Variants in NAALADL2 observed in about 807,000 individuals in gnomAD.
NAALADL2 encodes inactive N-acetylated-alpha-linked acidic dipeptidase-like protein 2.
In NAALADL2, 76 loss-of-function variants were observed where a neutral mutation model predicts 87.2. That is an observed-to-expected ratio of 0.87 (90% confidence interval 0.72 to 1.05). The LOEUF is 1.05. Ranked by LOEUF, NAALADL2 falls within the 50% of genes least tolerant of loss-of-function variation. The pLI, the probability that NAALADL2 is intolerant of heterozygous loss-of-function variation, is 0.00. For missense variants in NAALADL2, 1,089 were observed against 945.8 expected, an observed-to-expected ratio of 1.15 and a Z score of -1.99; for synonymous variants, 354 against 331.0, an observed-to-expected ratio of 1.07 and a Z score of -0.75.
intron 3 of NAALADL2, among the ~76,000 whole-genome samples, chr3:174,853,376 C>CAAA (rs55826352): frequency 0.019 from 1,560 of 82,448 alleles, 44 homozygotes; most frequent in African/African-American, 0.056. Context: ...GACTCAATCT[C>CAAA]AAAAAAAAAA....
intron 2 of NAALADL2, among the ~76,000 whole-genome samples, chr3:174,729,583 C>T (rs1398198983): frequency 6.6e-6 from 1 of 151,938 alleles, no homozygotes; most frequent in African/African-American, 2.4e-5. Flanking sequence ...TTGTGTTATA[C>T]ATCATGCTAG....
chr3:175,153,325 C>G (rs1731828158), intron 2 of NAALADL2, among the ~76,000 whole-genome samples: 1 of 152,106 alleles, frequency 6.6e-6, no homozygotes. Context: ...TGGGACTGCC[C>G]ATCTAACAAA....
intron 1 of NAALADL2, among the ~76,000 whole-genome samples, chr3:174,927,807 G>A (rs562784525): frequency 1.3e-5 from 2 of 152,234 alleles, no homozygotes; most frequent in South Asian, 4.1e-4. Flanking sequence ...AACTAGAGAA[G>A]CAAGAGCAAA....
chr3:175,755,240 C>G lies in NAALADL2; in HGVS notation c.2011C>G (p.Gln671Glu). The G allele has an allele frequency of 6.2e-7, 1 of 1,613,044 alleles. No homozygotes were observed. Among genetic ancestry groups the G allele is most frequent in the Non-Finnish European group, 8.5e-7 (1 of 1,179,670 alleles). ...NLKGDQPNTH[Q>E]LLAMALRLRE... is the part of the protein sequence containing the mutation. Reference sequence around the variant, plus strand: ...ACCAGGTGATCAACCCAACACTCATCAACTGTTAGCCATGGCGTTACGCCT... The same window carrying G: ...ACCAGGTGATCAACCCAACACTCATGAACTGTTAGCCATGGCGTTACGCCT... The change falls in exon 13 of 14, where the codon CAA (glutamine) becomes GAA (glutamate). Residue 671 changes from glutamine to glutamate, a missense_variant. Gln to Glu is a conservative substitution (Grantham distance 29). Transcript: ENST00000454872.
intron 2 of NAALADL2, among the ~76,000 whole-genome samples, chr3:175,106,495 C>T (rs747322716): frequency 3.3e-5 from 5 of 151,886 alleles, no homozygotes; most frequent in Non-Finnish European, 5.9e-5. Context: ...TGATCTTATT[C>T]GTTCCAAAAA....
At chr3:174,458,301 C>T (rs374199270) in intron 1 of NAALADL2, among the ~76,000 whole-genome samples, 9 of 152,164 alleles carry the variant, frequency 5.9e-5, no homozygotes, top group East Asian at 5.8e-4. Context: ...TTTTCTACCT[C>T]AGTGTTGTAT....
Position 175,804,654 on chromosome 3 carries a change from A to G in NAALADL2, c.*1451A>G, listed in dbSNP as rs1483597095. The G allele has an allele frequency of 6.6e-6, 1 of 151,748 alleles. No individual in the cohort carries two copies. The highest frequency in any genetic ancestry group is 1.5e-5 in the Non-Finnish European group (1 of 67,804). 9.4% of individuals were successfully genotyped at this position (151,748 alleles called of 1,614,324 possible). On this transcript the variant is annotated 3_prime_UTR_variant, in exon 14 of 14. Coordinates refer to ENST00000454872, the MANE Select transcript of NAALADL2 (RefSeq NM_207015.3). ...TGATACACCGCCAGAGTGACATTGC[A>G]GACAGTCTGTGTATGTTTAAATTTT...
intron 11 of NAALADL2, among the ~76,000 whole-genome samples, chr3:175,630,104 T>C (rs1230208452): frequency 1.3e-5 from 2 of 151,790 alleles, no homozygotes. Context: ...TGCACTCATG[T>C]TGGAAGCATT....
intron 1 of NAALADL2, among the ~76,000 whole-genome samples, chr3:175,014,004 TC>T (rs1444479272): frequency 5.9e-5 from 9 of 152,094 alleles, no homozygotes; most frequent in African/African-American, 2.2e-4. Context: ...GAAACTAACA[TC>T]CAGGTTAAAA....
chr3:174,581,322 A>G (rs1366029005), intron 2 of NAALADL2, among the ~76,000 whole-genome samples: 5 of 152,328 alleles, frequency 3.3e-5, no homozygotes, highest in Admixed American at 6.5e-5. Flanking sequence ...TATGCAAAAC[A>G]TGAAATAAAA....
chr3:175,650,419 T>C (rs1730610859), intron 11 of NAALADL2, among the ~76,000 whole-genome samples: 1 of 152,060 alleles, frequency 6.6e-6, no homozygotes, highest in Non-Finnish European at 1.5e-5. Flanking sequence ...GATTGTGGAG[T>C]AGGATGCACA....
At chr3:174,915,895 A>G (rs920326502) in intron 1 of NAALADL2, among the ~76,000 whole-genome samples, 6 of 152,206 alleles carry the variant, frequency 3.9e-5, no homozygotes, top group Admixed American at 1.3e-4. Context: ...CAAACTAAAA[A>G]GCTTCTGCAC....
chr3:174,502,796 C>T (rs1718977990), intron 1 of NAALADL2, among the ~76,000 whole-genome samples: 2 of 151,894 alleles, frequency 1.3e-5, no homozygotes, highest in South Asian at 2.1e-4. Flanking sequence ...TTTGGGAGGC[C>T]GAGGTGGGTG....
chr3:175,367,643 T>G (rs554842450), intron 5 of NAALADL2, among the ~76,000 whole-genome samples: 1 of 152,184 alleles, frequency 6.6e-6, no homozygotes, highest in Non-Finnish European at 1.5e-5. Context: ...AGTTCACTCA[T>G]GATTTGGCTC....
At chr3:175,446,978 C>A (rs557164388) in intron 5 of NAALADL2, among the ~76,000 whole-genome samples, 1 of 152,174 alleles carries the variant, frequency 6.6e-6, no homozygotes, top group Non-Finnish European at 1.5e-5. Context: ...TTTTATGGGA[C>A]AATGGAGGTA....
rs562262394 is a variant in NAALADL2 at position 175,063,970 on chromosome 3, A to G, written c.44-32820A>G. On this transcript the variant is annotated intron_variant, in intron 1 of 13. Transcript: ENST00000454872. ...AAATCCTGCTGAGTTACTCTGTGAC[A>G]CTGCAATAATTCAGCTGTCACTTAA... Among the ~76,000 whole-genome samples, 29 of 152,326 alleles carry G rather than the reference A, an allele frequency of 1.9e-4. No homozygotes were observed. In the East Asian group the frequency reaches 5.4e-3, roughly 28 times the overall value.
intron 1 of NAALADL2, among the ~76,000 whole-genome samples, chr3:175,081,581 C>G (rs1717832600): frequency 6.6e-6 from 1 of 152,096 alleles, no homozygotes; most frequent in South Asian, 2.1e-4. Context: ...TAATATGTAC[C>G]TTTTTCTCCA....
chr3:174,769,747 CAATT>C (rs1431800600), intron 3 of NAALADL2, among the ~76,000 whole-genome samples: 3 of 151,150 alleles, frequency 2.0e-5, no homozygotes, highest in African/African-American at 4.8e-5. Context: ...CTTTTGAAAA[CAATT>C]AAAAGTTTTT....
Position 175,149,939 on chromosome 3 carries a change from C to T in NAALADL2, c.545+52648C>T, listed in dbSNP as rs146960528. On this transcript the variant is annotated intron_variant, in intron 2 of 13. Transcript: ENST00000454872. ...TCAAACCCATTGCTTACGTGTTTGA[C>T]AGTAACATCTGGTAGCAACAGGTGC... 1.4e-3 allele frequency among the ~76,000 whole-genome samples: 208 copies of T among 152,226 alleles called. 2 individuals carry two copies. Among genetic ancestry groups the T allele is most frequent in the East Asian group, 6.9e-3 (36 of 5,184 alleles).
Sources: gnomAD v4.1 joint callset for allele counts (sites outside exome capture counted in the v4.1 genomes callset) on GRCh38, gnomAD v4.1.1 for gene constraint, MANE v1.5 for transcripts, NCBI Gene and HGNC (gene_info 2026-07-23, HGNC 2026-07-21) for gene names.